The following RBM28 variants were observed in gnomAD, a reference collection of about 807,000 sequenced individuals.
RBM28 encodes RNA-binding protein 28.
Under a neutral mutation model 98.3 loss-of-function variants are expected in RBM28, and 78 were observed. The ratio of observed to expected loss-of-function variants is 0.79; its 90% confidence interval spans 0.66 to 0.96. The LOEUF is 0.96. RBM28 is among the 40% of genes least tolerant of loss of function. The pLI is 0.00. For missense variants in RBM28, 838 were observed against 913.0 expected (o/e 0.92, Z 1.06); for synonymous variants, 306 against 330.9 (o/e 0.92, Z 0.82).
rs1176158785 is a variant in RBM28 at position 128,309,831 on chromosome 7, C to A, written c.*966G>T. On this transcript the variant is annotated 3_prime_UTR_variant, in exon 19 of 19. Transcript: ENST00000223073. ...GGCAAAGGGAACGGATACAAAGGCTCTGAGGTGGTCAAGAGTCAAGAGATG... is the reference window on the plus strand; with the variant it reads ...GGCAAAGGGAACGGATACAAAGGCTATGAGGTGGTCAAGAGTCAAGAGATG... 6.6e-6 allele frequency: 1 copy of A among 152,072 alleles called. No homozygotes were observed. The highest frequency in any genetic ancestry group is 1.5e-5 in the Non-Finnish European group (1 of 68,094). 9.4% of individuals were successfully genotyped at this position (152,072 alleles called of 1,614,324 possible).
Position 128,310,689 on chromosome 7 carries a change from C to A in RBM28, c.*108G>T, listed in dbSNP as rs2116315940. 2.1e-6 allele frequency: 3 copies of A among 1,454,798 alleles called. No individual in the cohort carries two copies. In the East Asian group the frequency reaches 6.8e-5, roughly 33 times the overall value. 90.1% of individuals were successfully genotyped at this position (1,454,798 alleles called of 1,614,324 possible). On this transcript the variant is annotated 3_prime_UTR_variant, in exon 19 of 19. Coordinates refer to ENST00000223073, the MANE Select transcript of RBM28 (RefSeq NM_018077.3). ...GCACCTCCGAGCACAGTGGCAGTGC[C>A]CTTGGGGATTTTCTTTCCCTCAGTG...
rs1378968019 is a variant in RBM28 at position 128,304,087 on chromosome 7, C to A, written c.*6710G>T. On this transcript the variant is annotated 3_prime_UTR_variant, in exon 19 of 19. Coordinates refer to ENST00000223073, the MANE Select transcript of RBM28 (RefSeq NM_018077.3). The stretch of plus-strand genomic sequence containing the variant: ...AAAAAGCATTTATTGCTGGTAAATG[C>A]TTAACAACTGGCTCTCTGGGATAAA... 1 of 152,142 alleles carries A rather than the reference C, an allele frequency of 6.6e-6. No individual in the cohort carries two copies. The highest frequency in any genetic ancestry group is 2.4e-5 in the African/African-American group (1 of 41,418). 9.4% of individuals were successfully genotyped at this position (152,142 alleles called of 1,614,324 possible).
chr7:128,340,590 C>T (rs1796703776), intron 1 of RBM28, among the ~76,000 whole-genome samples: 1 of 152,148 alleles, frequency 6.6e-6, no homozygotes, highest in South Asian at 2.1e-4. Flanking sequence ...TGAATTAAGA[C>T]AGTATGGTAG....
intron 9 of RBM28, 112 bp downstream of exon 9, chr7:128,333,178 G>C: frequency 2.5e-6 from 2 of 815,782 alleles, no homozygotes; most frequent in Non-Finnish European, 4.3e-6. Context: ...GACCAGATGT[G>C]CTTGATCTAA....
chr7:128,316,181 G>A (rs1013158988), intron 16 of RBM28, among the ~76,000 whole-genome samples: 23 of 152,208 alleles, frequency 1.5e-4, no homozygotes, highest in African/African-American at 4.8e-4. Context: ...AGGACTCACA[G>A]CCAGGTGGAG....
chr7:128,301,346 T>C lies in RBM28; in HGVS notation c.*9451A>G, dbSNP rs1437715869. ...TCCTCTGTCCTTTGGCTTTTACCTG[T>C]GTCACCACAGCCTCCTGGGGAGATG... On this transcript the variant is annotated 3_prime_UTR_variant, in exon 19 of 19. Coordinates refer to ENST00000223073, the MANE Select transcript of RBM28 (RefSeq NM_018077.3). 2 of 152,298 alleles carry C rather than the reference T, an allele frequency of 1.3e-5. No homozygotes were observed. The highest frequency in any genetic ancestry group is 2.9e-5 in the Non-Finnish European group (2 of 68,100). 9.4% of individuals were successfully genotyped at this position (152,298 alleles called of 1,614,324 possible).
chr7:128,338,133 G>A, intron 5 of RBM28, 117 bp downstream of exon 5: 1 of 767,960 alleles, frequency 1.3e-6, no homozygotes, highest in East Asian at 2.6e-5. Flanking sequence ...TACCGTATTA[G>A]CAATGAGACT....
Position 128,330,908 on chromosome 7 carries a change from T to C in RBM28, c.1040A>G (p.Glu347Gly). ...VFIRNLSFDS[E>G]EEELGELLQQ... ...GAGAAGCTCCCCAAGTTCTTCTTCT[T>C]CTGAGTCAAAGGACAGATTTCTATG... Residue 347 changes from glutamate to glycine, a missense_variant, in exon 10 of 19, where the codon GAA becomes GGA. By Grantham distance (98) the Glu-to-Gly change is moderately conservative (BLOSUM62 -2). Transcript: ENST00000223073. 6.2e-7 allele frequency: 1 copy of C among 1,613,632 alleles called. No homozygotes were observed. Among genetic ancestry groups the C allele is most frequent in the Non-Finnish European group, 8.5e-7 (1 of 1,179,552 alleles).
At position 128,338,315 on chromosome 7, in the gene RBM28, A is replaced by C; in HGVS notation, c.476T>G (p.Val159Gly). Residue 159 changes from valine to glycine, a missense_variant, in exon 5 of 19, where the codon GTT (valine) becomes GGT (glycine). Transcript: ENST00000223073. The stretch of plus-strand genomic sequence containing the variant: ...TGCTTCTAGGAGGTTTTTGAACTGA[A>C]CAAAACCAAAACCGCGCATCTTCCC... ...PDGKMRGFGF[V>G]QFKNLLEAGK... The C allele has an allele frequency of 1.9e-6, 3 of 1,614,160 alleles. No homozygotes were observed. The East Asian group carries it at 6.7e-5, about 36-fold the overall frequency.
intron 11 of RBM28, 87 bp from the exon 12 acceptor site, chr7:128,324,781 A>C: frequency 6.4e-7 from 1 of 1,573,506 alleles, no homozygotes; most frequent in Admixed American, 1.7e-5. Context: ...TGGGAGGCTG[A>C]GGCAGGTGGA....
At chr7:128,312,147 G>A (rs910315285) in intron 18 of RBM28, among the ~76,000 whole-genome samples, 7 of 152,152 alleles carry the variant, frequency 4.6e-5, no homozygotes, top group South Asian at 2.1e-4. Context: ...GGCCAAGCAC[G>A]GTGGCTCACA....
intron 10 of RBM28, among the ~76,000 whole-genome samples, chr7:128,326,916 G>T (rs906970003): frequency 6.6e-6 from 1 of 151,918 alleles, no homozygotes; most frequent in Non-Finnish European, 1.5e-5. Flanking sequence ...AAGGCAGGAA[G>T]ATCGCTTAAG....
intron 11 of RBM28, among the ~76,000 whole-genome samples, chr7:128,324,925 G>A (rs1389588546): frequency 6.6e-6 from 1 of 152,128 alleles, no homozygotes; most frequent in Non-Finnish European, 1.5e-5. Context: ...CAGGAGAATG[G>A]CATGAACCTG....
intron 8 of RBM28, among the ~76,000 whole-genome samples, chr7:128,333,605 C>G (rs1796533601): frequency 6.6e-6 from 1 of 152,170 alleles, no homozygotes; most frequent in Non-Finnish European, 1.5e-5. Context: ...ATAGTCCCAG[C>G]TACTCAGGAG....
intron 10 of RBM28, among the ~76,000 whole-genome samples, chr7:128,327,778 G>A (rs968165627): frequency 2.6e-5 from 4 of 152,192 alleles, no homozygotes; most frequent in Non-Finnish European, 5.9e-5. Context: ...GGGATTACAG[G>A]TGTGAGCCAC....
rs1356687731 is a variant in RBM28, at chr7:128,302,035, T to C, written c.*8762A>G. 9 of 152,182 alleles carry C rather than the reference T, an allele frequency of 5.9e-5. No homozygotes were observed. Among genetic ancestry groups the C allele is most frequent in the African/African-American group, 2.2e-4 (9 of 41,440 alleles). The allele number at this position is 152,182 out of a possible 1,614,324, so 9.4% of individuals were successfully genotyped here. On this transcript the variant is annotated 3_prime_UTR_variant, in exon 19 of 19. Transcript: ENST00000223073. Reference sequence around the variant, plus strand: ...TTGCCTCCTACAGATTTCCCTTCTTTCTCTTCTTCTGGGCCTCTGGGCCAG... The same window carrying C: ...TTGCCTCCTACAGATTTCCCTTCTTCCTCTTCTTCTGGGCCTCTGGGCCAG...
In RBM28 at chr7:128,304,481, C is replaced by T. The variant is rs530899930; in HGVS notation, c.*6316G>A. 13 of 152,302 alleles carry T rather than the reference C, an allele frequency of 8.5e-5. No individual in the cohort carries two copies. The highest frequency in any genetic ancestry group is 3.1e-4 in the African/African-American group (13 of 41,550). 9.4% of individuals were successfully genotyped at this position (152,302 alleles called of 1,614,324 possible). ...ATTGACAGGCTTGGAGTCTTGAGTACCATCTGGGTGGGTGGAGCTGGCACT... is the reference window on the plus strand; with the variant it reads ...ATTGACAGGCTTGGAGTCTTGAGTATCATCTGGGTGGGTGGAGCTGGCACT... On this transcript the variant is annotated 3_prime_UTR_variant, in exon 19 of 19. Transcript: ENST00000223073.
intron 9 of RBM28, among the ~76,000 whole-genome samples, chr7:128,331,158 C>G (rs1796472162): frequency 6.6e-6 from 1 of 152,154 alleles, no homozygotes; most frequent in Admixed American, 6.5e-5. Flanking sequence ...AGACCAGAAA[C>G]TGCAGGTAAA....
chr7:128,321,589 G>C (rs1292321664), intron 13 of RBM28, among the ~76,000 whole-genome samples, 165 bp from the exon 14 acceptor site: 1 of 152,190 alleles, frequency 6.6e-6, no homozygotes, highest in Non-Finnish European at 1.5e-5. Flanking sequence ...TATAGGGAAA[G>C]AAAAGTCCAA....
Sources: allele counts gnomAD v4.1 joint callset (sites outside exome capture counted in the v4.1 genomes callset), GRCh38; gene constraint gnomAD v4.1.1; transcripts MANE v1.5; gene names NCBI Gene and HGNC (gene_info 2026-07-23, HGNC 2026-07-21).